The following TRERF1 variants were observed in gnomAD, a reference collection of about 807,000 sequenced individuals.
TRERF1 encodes transcriptional-regulating factor 1.
TRERF1 carries 27 observed loss-of-function variants against 122.9 expected under a neutral mutation model. The ratio of observed to expected loss-of-function variants is 0.22; its 90% confidence interval spans 0.16 to 0.30. The LOEUF is 0.30. Among genes scored for constraint, TRERF1 ranks in the 10% least tolerant of loss-of-function variants. The pLI is 1.00. For missense variants in TRERF1, 1,248 were observed against 1,560.3 expected, an observed-to-expected ratio of 0.80 and a Z score of 3.37; for synonymous variants, 636 against 641.7, an observed-to-expected ratio of 0.99 and a Z score of 0.13.
intron 4 of TRERF1, among the ~76,000 whole-genome samples, chr6:42,272,868 G>A (rs77277283): frequency 1.2e-4 from 19 of 152,202 alleles, no homozygotes; most frequent in African/African-American, 4.3e-4. Flanking sequence ...CCCCAGCTCA[G>A]ATGGTCTGAG....
At chr6:42,401,858 C>G (rs959980632) in intron 2 of TRERF1, among the ~76,000 whole-genome samples, 1 of 152,228 alleles carries the variant, frequency 6.6e-6, no homozygotes, top group Non-Finnish European at 1.5e-5. Context: ...TTCACGGATT[C>G]ATTTCTTGAA....
At chr6:42,250,978 C>G (rs936320764) in intron 13 of TRERF1, among the ~76,000 whole-genome samples, 1 of 138,326 alleles carries the variant, frequency 7.2e-6, no homozygotes, top group Non-Finnish European at 1.6e-5. Flanking sequence ...TAATTTTTTT[C>G]TTTTCTTTTG....
At chr6:42,394,394 G>A (rs1301155849) in intron 2 of TRERF1, among the ~76,000 whole-genome samples, 2 of 152,240 alleles carry the variant, frequency 1.3e-5, no homozygotes, top group African/African-American at 4.8e-5. Flanking sequence ...GCCAGGCACA[G>A]CCAGTAATTC....
chr6:42,425,330 C>G (rs985153310), intron 2 of TRERF1, among the ~76,000 whole-genome samples: 30 of 152,098 alleles, frequency 2.0e-4, no homozygotes, highest in South Asian at 2.1e-4. Context: ...CTCACAACAT[C>G]TCTATGGAAT....
At chr6:42,282,760 T>A (rs145419571) in intron 4 of TRERF1, among the ~76,000 whole-genome samples, 179 of 152,292 alleles carry the variant, frequency 1.2e-3, no homozygotes, top group African/African-American at 4.1e-3. Flanking sequence ...TTTTTGTTAG[T>A]TGTGGTAGTT....
intron 16 of TRERF1, among the ~76,000 whole-genome samples, chr6:42,235,852 T>C (rs1772036941): frequency 6.6e-6 from 1 of 152,198 alleles, no homozygotes; most frequent in African/African-American, 2.4e-5. Flanking sequence ...TAAATGCATG[T>C]TGACAGGGCA....
At chr6:42,280,587 C>T (rs1014641421) in intron 4 of TRERF1, among the ~76,000 whole-genome samples, 2 of 152,192 alleles carry the variant, frequency 1.3e-5, no homozygotes, top group Non-Finnish European at 2.9e-5. Context: ...GCCACTTGGC[C>T]GTGCCTGACG....
At chr6:42,385,452 G>C (rs910294389) in intron 2 of TRERF1, among the ~76,000 whole-genome samples, 1 of 152,178 alleles carries the variant, frequency 6.6e-6, no homozygotes, top group African/African-American at 2.4e-5. Flanking sequence ...CTGAAGTTAC[G>C]TGGACAGGCA....
intron 17 of TRERF1, among the ~76,000 whole-genome samples, chr6:42,230,370 A>G (rs993106833): frequency 3.3e-5 from 5 of 152,140 alleles, no homozygotes; most frequent in African/African-American, 1.2e-4. Context: ...AAAAAAAAAA[A>G]CATTTAATAG....
At chr6:42,337,581 G>A (rs933236775) in intron 3 of TRERF1, among the ~76,000 whole-genome samples, 5 of 152,280 alleles carry the variant, frequency 3.3e-5, no homozygotes, top group Admixed American at 1.3e-4. Context: ...AGACAGGCAC[G>A]CGTAATGTGA....
intron 2 of TRERF1, among the ~76,000 whole-genome samples, chr6:42,411,487 C>T (rs1781086270): frequency 6.6e-6 from 1 of 152,146 alleles, no homozygotes; most frequent in African/African-American, 2.4e-5. Context: ...ACACAGAAGC[C>T]TCTTAGAAGA....
rs746560953 is a variant in TRERF1 at position 42,298,950 on chromosome 6, C to T, written c.-259+1688G>A. 4.0e-5 allele frequency among the ~76,000 whole-genome samples: 6 copies of T among 151,732 alleles called. No homozygotes were observed. The East Asian group carries it at 5.8e-4, about 15-fold the overall frequency. On this transcript the variant is annotated intron_variant, in intron 4 of 17. Coordinates refer to ENST00000372922, the Ensembl canonical transcript of TRERF1. ...GAGAGATTCCGTCTCAAAAACAAAA[C>T]GAAACAAAACAAAAAACAAACAAAC...
At chr6:42,326,840 A>C (rs1025706389) in intron 3 of TRERF1, among the ~76,000 whole-genome samples, 1 of 152,260 alleles carries the variant, frequency 6.6e-6, no homozygotes, top group African/African-American at 2.4e-5. Context: ...ATAATGAATC[A>C]GAACAGTTTC....
intron 3 of TRERF1, among the ~76,000 whole-genome samples, chr6:42,315,883 T>TG (rs1283844337): frequency 1.3e-5 from 2 of 152,028 alleles, no homozygotes; most frequent in African/African-American, 4.8e-5. Context: ...AGGAGGGACT[T>TG]GGGTGGGGGT....
chr6:42,290,736 CTTTCCT>C (rs1784155297), intron 4 of TRERF1, among the ~76,000 whole-genome samples: 1 of 120,038 alleles, frequency 8.3e-6, no homozygotes, highest in South Asian at 2.6e-4. Flanking sequence ...TTTTCCATTT[CTTTCCT>C]TTTTTTTTTT....
chr6:42,349,700 G>A (rs541801310), intron 3 of TRERF1, among the ~76,000 whole-genome samples: 30 of 152,084 alleles, frequency 2.0e-4, no homozygotes, highest in Non-Finnish European at 2.9e-4. Flanking sequence ...AGTGATGGAG[G>A]GGGTAAAACC....
rs528456404 is a variant in TRERF1, at chr6:42,317,463, T to C, written c.-370-16714A>G. Among the ~76,000 whole-genome samples the C allele has an allele frequency of 3.3e-5, 5 of 152,016 alleles. No individual in the cohort carries two copies. The South Asian group carries it at 8.3e-4, about 25-fold the overall frequency. On this transcript the variant is annotated intron_variant, in intron 3 of 17. Coordinates refer to ENST00000372922, the Ensembl canonical transcript of TRERF1. ...TCAACCTCCCAGGCTCAAGCAATCC[T>C]CCCACCTCAACCTCTCAAGAAGCTG...
chr6:42,409,391 C>T (rs1780781183), intron 2 of TRERF1, among the ~76,000 whole-genome samples: 1 of 152,124 alleles, frequency 6.6e-6, no homozygotes, highest in South Asian at 2.1e-4. Context: ...TGCTTGCCTG[C>T]CTTGTTTGCT....
chr6:42,269,818 C>T lies in TRERF1; in HGVS notation c.-228G>A. 8.1e-7 allele frequency: 1 copy of T among 1,235,424 alleles called. No individual in the cohort carries two copies. The highest frequency in any genetic ancestry group is 1.1e-6 in the Non-Finnish European group (1 of 925,238). 76.5% of individuals were successfully genotyped at this position (1,235,424 alleles called of 1,614,324 possible). A position where few individuals can be genotyped will look rare whatever the true frequency, so the allele number is the denominator to read the frequency against. On this transcript the variant is annotated 5_prime_UTR_variant, in exon 5 of 18. It adds an upstream start codon to the 5' untranslated region. Transcript: ENST00000372922. This position sits in a 1 kb window ranked among gnomAD's most constrained non-coding sequence, Gnocchi z 4.9. ...CTCCCTGGCTGAGGTATAGACCACA[C>T]AGCACTGTGGTGAGGAGACGTCGCT...
Sources: gnomAD v4.1 joint callset for allele counts (sites outside exome capture counted in the v4.1 genomes callset) on GRCh38, gnomAD v4.1.1 for gene constraint, Gnocchi (gnomAD v3.1) non-coding constraint, MANE v1.5 for transcripts, NCBI Gene and HGNC (gene_info 2026-07-23, HGNC 2026-07-21) for gene names.